Variants in BTBD2 observed in about 807,000 individuals in gnomAD.
BTBD2 encodes the protein BTB/POZ domain-containing protein 2.
Under a neutral mutation model 44.0 loss-of-function variants are expected in BTBD2, and 15 were observed. The ratio of observed to expected loss-of-function variants is 0.34; its 90% CI spans 0.23 to 0.53. The LOEUF is 0.53. Ranked by LOEUF, BTBD2 falls within the 20% of genes least tolerant of loss-of-function variation. The pLI, the probability that BTBD2 is intolerant of heterozygous loss-of-function variation, is 0.95. For synonymous variants in BTBD2, 443 were observed against 335.9 expected, an observed-to-expected ratio of 1.32 and a Z score of -3.49; for missense variants, 657 against 746.4, an observed-to-expected ratio of 0.88 and a Z score of 1.39.
intron 1 of BTBD2, among the ~76,000 whole-genome samples, chr19:2,008,673 C>G (rs567457079): frequency 6.7e-6 from 1 of 148,678 alleles, no homozygotes; most frequent in African/African-American, 2.5e-5. Flanking sequence ...CTCACTGCAG[C>G]GGCAACCTCC....
chr19:1,988,500 A>C (rs1420834962), intron 5 of BTBD2: 1 of 152,282 alleles, frequency 6.6e-6, no homozygotes, highest in Non-Finnish European at 1.5e-5. Context: ...AACTGGTGAG[A>C]AACAGACCAT....
intron 1 of BTBD2, among the ~76,000 whole-genome samples, chr19:2,013,117 G>A (rs1004268230): frequency 2.0e-5 from 3 of 152,186 alleles, no homozygotes; most frequent in South Asian, 2.1e-4. Flanking sequence ...GCTAAGTACC[G>A]CCCAGGGCAG....
intron 1 of BTBD2, among the ~76,000 whole-genome samples, chr19:2,006,149 A>C (rs75638285): frequency 0.013 from 1,948 of 152,134 alleles, 31 homozygotes; most frequent in African/African-American, 0.044. Flanking sequence ...TCAATACTAG[A>C]CACACATGGC....
intron 3 of BTBD2, among the ~76,000 whole-genome samples, chr19:1,991,581 C>T (rs548653083): frequency 6.6e-6 from 1 of 152,316 alleles, no homozygotes; most frequent in South Asian, 2.1e-4. Context: ...GAAACCCCTC[C>T]CTGTGGGAGT....
chr19:1,998,987 G>A (rs1015435426), intron 1 of BTBD2, among the ~76,000 whole-genome samples: 7 of 152,092 alleles, frequency 4.6e-5, no homozygotes, highest in Non-Finnish European at 8.8e-5. Flanking sequence ...GGAAAGCTCC[G>A]GAGCTACAGG....
chr19:2,000,471 C>A (rs986611927), intron 1 of BTBD2, among the ~76,000 whole-genome samples: 2 of 152,228 alleles, frequency 1.3e-5, no homozygotes, highest in African/African-American at 4.8e-5. Flanking sequence ...CGTGGGCCGT[C>A]CATGCAGTTT....
In BTBD2 at chr19:2,006,522, GA is replaced by G. The variant is rs993826083; in HGVS notation, c.407+8774del. 2.6e-4 allele frequency among the ~76,000 whole-genome samples: 24 copies of G among 92,716 alleles called. 1 individual carries two copies. In the South Asian group the frequency reaches 5.8e-3, roughly 22 times the overall value. The allele number at this position is 92,716 out of a possible 152,430, so 60.8% of individuals were successfully genotyped here. A position where few individuals can be genotyped will look rare whatever the true frequency, so the allele number is the denominator to read the frequency against. On this transcript the variant is annotated intron_variant, in intron 1 of 8. Coordinates refer to ENST00000255608, the MANE Select transcript of BTBD2 (RefSeq NM_017797.4). The stretch of plus-strand genomic sequence containing the variant: ...ACTCCGTCTCAAAAAAAAAAAAAAA[GA>G]AAAGAAAAATCACCCAACTTTATGT...
chr19:1,990,457 G>A (rs1346860484), intron 4 of BTBD2: 2 of 610,988 alleles, frequency 3.3e-6, no homozygotes, highest in East Asian at 5.5e-5. Flanking sequence ...CTGTTCAACA[G>A]CAAAGTCAAA....
At chr19:2,000,226 C>T (rs865886414) in intron 1 of BTBD2, among the ~76,000 whole-genome samples, 20 of 152,162 alleles carry the variant, frequency 1.3e-4, no homozygotes, top group Non-Finnish European at 1.5e-4. Context: ...GACTGCCGCC[C>T]GCCCGTCTGC....
intron 1 of BTBD2, among the ~76,000 whole-genome samples, chr19:2,002,087 T>G (rs1320799918): frequency 3.3e-5 from 5 of 151,818 alleles, no homozygotes; most frequent in Admixed American, 6.6e-5. Context: ...TTCATTTTTA[T>G]TTTTAGTTTT....
intron 1 of BTBD2, among the ~76,000 whole-genome samples, chr19:2,004,883 G>A (rs1215405344): frequency 6.7e-6 from 1 of 149,328 alleles, no homozygotes; most frequent in African/African-American, 2.5e-5. Flanking sequence ...GTGCAGTGGT[G>A]CCATCTCGGT....
chr19:1,999,975 A>C (rs928945413), intron 1 of BTBD2, among the ~76,000 whole-genome samples: 11 of 151,726 alleles, frequency 7.2e-5, no homozygotes, highest in African/African-American at 2.7e-4. Context: ...CCTCAAAAAA[A>C]AAAAAAAAAA....
intron 8 of BTBD2, 58 bp from the exon 9 acceptor site, chr19:1,986,707 G>A: frequency 6.3e-7 from 1 of 1,599,116 alleles, no homozygotes. Context: ...TGCCCCAGGT[G>A]TGGACAGGGC....
chr19:2,007,611 C>T (rs1430143687), intron 1 of BTBD2, among the ~76,000 whole-genome samples: 1 of 152,020 alleles, frequency 6.6e-6, no homozygotes, highest in Non-Finnish European at 1.5e-5. Flanking sequence ...CGGGGATAGC[C>T]TGAGGTCAGG....
intron 5 of BTBD2, chr19:1,988,594 T>A (rs955747567): frequency 6.6e-6 from 1 of 151,200 alleles, no homozygotes; most frequent in African/African-American, 2.4e-5. Context: ...AGACGGAGTT[T>A]CGCTCTTGTC....
intron 5 of BTBD2, 99 bp from the exon 6 acceptor site, chr19:1,987,791 A>G: frequency 7.9e-7 from 1 of 1,261,120 alleles, no homozygotes; most frequent in African/African-American, 1.5e-5. Flanking sequence ...TCTGCGTCGG[A>G]CTTTCAAGGT....
chr19:1,996,340 C>T (rs1220469596), intron 2 of BTBD2, among the ~76,000 whole-genome samples: 1 of 152,094 alleles, frequency 6.6e-6, no homozygotes, highest in Non-Finnish European at 1.5e-5. Flanking sequence ...TTGCAAAAAA[C>T]AGTAATTCTG....
chr19:1,986,467 G>GCGGTGT lies in BTBD2; in HGVS notation c.*15_*20dup, dbSNP rs540723501. ...CTGCGGCTATCCCCACGGAGGGAGGGCGGTGTCGGTGTCGGGCAGCCTAGG... is the reference window on the plus strand; with the variant it reads ...CTGCGGCTATCCCCACGGAGGGAGGGCGGTGTCGGTGTCGGTGTCGGGCAGCCTAGG... On this transcript the variant is annotated 3_prime_UTR_variant, in exon 9 of 9. Coordinates refer to ENST00000255608, the MANE Select transcript of BTBD2 (RefSeq NM_017797.4). 1.9e-6 allele frequency: 3 copies of GCGGTGT among 1,610,060 alleles called. No individual in the cohort carries two copies. Among genetic ancestry groups the GCGGTGT allele is most frequent in the East Asian group, 2.2e-5 (1 of 44,782 alleles).
chr19:1,990,846 G>A (rs775478151), intron 3 of BTBD2, 24 bp from the exon 4 acceptor site: 60 of 1,535,936 alleles, frequency 3.9e-5, no homozygotes, highest in Non-Finnish European at 5.1e-5. Context: ...TCGACGGGGG[G>A]CGCGGTGGGG....
Sources: allele counts gnomAD v4.1 joint callset (sites outside exome capture counted in the v4.1 genomes callset), GRCh38; gene constraint gnomAD v4.1.1; transcripts MANE v1.5; gene names NCBI Gene and HGNC (gene_info 2026-07-23, HGNC 2026-07-21).